SYT9: variants seen among roughly 807,000 people sequenced by gnomAD.
SYT9 encodes synaptotagmin 9, also known as synaptotagmin-9.
Under a neutral mutation model 48.4 loss-of-function variants are expected in SYT9, and 22 were observed. The observed-to-expected ratio is 0.45, with a 90% CI of 0.32 to 0.65. The LOEUF is 0.65. Ranked by LOEUF, SYT9 falls within the 30% of genes least tolerant of loss-of-function variation. The pLI is 0.03. For synonymous variants in SYT9, 265 were observed against 245.0 expected (o/e 1.08, Z -0.76); for missense variants, 577 against 622.0 (o/e 0.93, Z 0.77).
chr11:7,243,489 C>T (rs181913020), intron 1 of SYT9, among the ~76,000 whole-genome samples: 12 of 152,260 alleles, frequency 7.9e-5, no homozygotes, highest in African/African-American at 2.9e-4. Flanking sequence ...CTCCTCCTCC[C>T]CTTCTTACTT....
chr11:7,454,136 C>G (rs539467516), intron 6 of SYT9: 2 of 985,436 alleles, frequency 2.0e-6, no homozygotes, highest in African/African-American at 3.5e-5. Flanking sequence ...TTGCTACCTA[C>G]CTGATTTCCA....
chr11:7,395,738 A>G (rs1846739323), intron 3 of SYT9, among the ~76,000 whole-genome samples: 2 of 152,038 alleles, frequency 1.3e-5, no homozygotes, highest in South Asian at 4.1e-4. Context: ...GTGTCATTGC[A>G]TGTAAGATGG....
intron 3 of SYT9, among the ~76,000 whole-genome samples, chr11:7,352,645 G>A (rs763361857): frequency 9.9e-5 from 15 of 152,156 alleles, no homozygotes; most frequent in Admixed American, 1.3e-4. Flanking sequence ...GCCTAGCCCC[G>A]TGAAGAATAG....
chr11:7,337,994 A>G (rs1418206616), intron 3 of SYT9, among the ~76,000 whole-genome samples: 1 of 152,076 alleles, frequency 6.6e-6, no homozygotes, highest in Non-Finnish European at 1.5e-5. Flanking sequence ...CTGTCCCTGC[A>G]CTTGTTTTGG....
intron 3 of SYT9, among the ~76,000 whole-genome samples, chr11:7,318,890 T>C (rs1849288385): frequency 6.6e-6 from 1 of 152,216 alleles, no homozygotes; most frequent in Admixed American, 6.5e-5. Context: ...TTTAGCATTT[T>C]ATTTCTTCTG....
At chr11:7,420,317 G>T (rs147719535) in intron 5 of SYT9, among the ~76,000 whole-genome samples, 189 bp from the exon 6 acceptor site, 1,855 of 152,210 alleles carry the variant, frequency 0.012, 39 homozygotes, top group African/African-American at 0.043. Flanking sequence ...GGACAGCCAG[G>T]GTATACGTTA....
At chr11:7,457,492 A>G (rs538600529) in intron 6 of SYT9, 2 of 152,382 alleles carry the variant, frequency 1.3e-5, no homozygotes, top group South Asian at 2.1e-4. Context: ...TCAGCATTGA[A>G]TAAGTTCTTG....
chr11:7,296,301 C>T (rs1292145009), intron 1 of SYT9, among the ~76,000 whole-genome samples: 1 of 152,210 alleles, frequency 6.6e-6, no homozygotes, highest in Non-Finnish European at 1.5e-5. Context: ...AGCTACTGTG[C>T]TATGGTGCCT....
chr11:7,437,759 A>G (rs1358308677), intron 6 of SYT9: 1 of 152,236 alleles, frequency 6.6e-6, no homozygotes, highest in Non-Finnish European at 1.5e-5. Context: ...CCACATTTGC[A>G]TGGGCACAAA....
rs145723782 is a variant in SYT9, at chr11:7,439,442, C to T, written c.1467+18807C>T. 5 of 152,430 alleles carry T rather than the reference C, an allele frequency of 3.3e-5. No individual in the cohort carries two copies. The East Asian group carries it at 7.7e-4, about 24-fold the overall frequency. The allele number at this position is 152,430 out of a possible 1,614,324, so 9.4% of individuals were successfully genotyped here. On this transcript the variant is annotated intron_variant, in intron 6 of 6. Coordinates refer to ENST00000318881, the MANE Select transcript of SYT9 (RefSeq NM_175733.4). Reference sequence around the variant, plus strand: ...TCTGGTGCAAGGACACAGCCAGGAACACTGGAACTCAGGAACACTGGGACA... The same window carrying T: ...TCTGGTGCAAGGACACAGCCAGGAATACTGGAACTCAGGAACACTGGGACA...
chr11:7,270,765 T>G (rs2133886038), intron 1 of SYT9, among the ~76,000 whole-genome samples: 1 of 152,126 alleles, frequency 6.6e-6, no homozygotes, highest in East Asian at 1.9e-4. Context: ...TAGTTAAAAT[T>G]AATTTCTTGT....
intron 6 of SYT9, among the ~76,000 whole-genome samples, chr11:7,433,040 T>G (rs1278359702): frequency 6.6e-6 from 1 of 152,166 alleles, no homozygotes; most frequent in African/African-American, 2.4e-5. Context: ...GAGAAGTGTT[T>G]GGATAATATC....
chr11:7,281,164 A>G (rs1360622501), intron 1 of SYT9, among the ~76,000 whole-genome samples: 3 of 152,256 alleles, frequency 2.0e-5, no homozygotes, highest in African/African-American at 4.8e-5. Flanking sequence ...GCACATTTCT[A>G]TATTTGCATA....
chr11:7,460,351 G>C (rs1311154187), intron 6 of SYT9, among the ~76,000 whole-genome samples: 1 of 152,102 alleles, frequency 6.6e-6, no homozygotes, highest in Non-Finnish European at 1.5e-5. Flanking sequence ...TGAGAAAAAA[G>C]ATATAAATCT....
At chr11:7,423,559 T>C (rs1847395814) in intron 6 of SYT9, among the ~76,000 whole-genome samples, 1 of 152,214 alleles carries the variant, frequency 6.6e-6, no homozygotes, top group Non-Finnish European at 1.5e-5. Context: ...AACAATCTAT[T>C]TATATGAAAT....
chr11:7,255,689 C>T (rs993935926), intron 1 of SYT9, among the ~76,000 whole-genome samples: 1 of 152,102 alleles, frequency 6.6e-6, no homozygotes, highest in African/African-American at 2.4e-5. Context: ...GCTTTTTGAC[C>T]TAAAAAATTC....
chr11:7,418,033 C>A lies in SYT9; in HGVS notation c.1242C>A (p.Thr414=). 2 of 1,614,016 alleles carry A rather than the reference C, an allele frequency of 1.2e-6. No individual in the cohort carries two copies. Among genetic ancestry groups the A allele is most frequent in the Non-Finnish European group, 1.7e-6 (2 of 1,179,990 alleles). The part of the protein sequence containing the change: ...KKRKTSTKRN[T]LNPVYNEAIV... ...GGAAAACATCCACCAAGAGGAACAC[C>A]TTGAATCCTGTTTACAACGAAGCCA... The change falls in exon 5 of 7, where the codon ACC becomes ACA. Residue 414 remains threonine, a synonymous_variant. Coordinates refer to ENST00000318881, the MANE Select transcript of SYT9 (RefSeq NM_175733.4).
chr11:7,274,856 G>T (rs1564843763), intron 1 of SYT9, among the ~76,000 whole-genome samples: 1 of 152,128 alleles, frequency 6.6e-6, no homozygotes, highest in Non-Finnish European at 1.5e-5. Flanking sequence ...AGAAAACCTA[G>T]CAGTGGGTCC....
In SYT9 at chr11:7,303,405, C is replaced by A; in HGVS notation, c.497+15C>A. Reference sequence around the variant, plus strand: ...TCGTCGGCCCGGTCAGTAATGCCTTCTCCTTTCTGAATGCAAGGAAGGACC... The same window carrying A: ...TCGTCGGCCCGGTCAGTAATGCCTTATCCTTTCTGAATGCAAGGAAGGACC... On this transcript the variant is annotated intron_variant, in intron 2 of 6. Coordinates refer to ENST00000318881, the MANE Select transcript of SYT9 (RefSeq NM_175733.4). The A allele has an allele frequency of 6.3e-7, 1 of 1,585,754 alleles. No homozygotes were observed. The highest frequency in any genetic ancestry group is 2.3e-5 in the East Asian group (1 of 43,968).
Sources: allele counts gnomAD v4.1 joint callset (sites outside exome capture counted in the v4.1 genomes callset), GRCh38; gene constraint gnomAD v4.1.1; transcripts MANE v1.5; gene names NCBI Gene and HGNC (gene_info 2026-07-23, HGNC 2026-07-21).